The following PTPRG variants were observed in gnomAD, a reference collection of about 807,000 sequenced individuals.
PTPRG encodes the protein protein tyrosine phosphatase receptor type G, also known as receptor-type tyrosine-protein phosphatase gamma.
Under a neutral mutation model 165.3 loss-of-function variants are expected in PTPRG, and 102 were observed. That is an observed-to-expected ratio of 0.62 (90% CI 0.53 to 0.73). The LOEUF is 0.73. Among genes scored for constraint, PTPRG ranks in the 30% least tolerant of loss-of-function variants. PTPRG has a pLI of 0.00. For missense variants in PTPRG, 1,866 were observed against 1,861.4 expected (o/e 1.00, Z -0.05); for synonymous variants, 675 against 669.5 (o/e 1.01, Z -0.13).
At chr3:62,004,222 T>C (rs1309746205) in intron 4 of PTPRG, among the ~76,000 whole-genome samples, 1 of 152,208 alleles carries the variant, frequency 6.6e-6, no homozygotes, top group Admixed American at 6.5e-5. Flanking sequence ...GAATATTCTT[T>C]TGTTGTGATG....
At chr3:61,985,699 A>G (rs1458337569) in intron 2 of PTPRG, among the ~76,000 whole-genome samples, 3 of 152,184 alleles carry the variant, frequency 2.0e-5, no homozygotes, top group East Asian at 1.9e-4. Context: ...TGGATTGATC[A>G]TTAAGACTAA....
intron 6 of PTPRG, among the ~76,000 whole-genome samples, chr3:62,155,519 A>G (rs367972143): frequency 3.3e-5 from 5 of 152,356 alleles, no homozygotes; most frequent in African/African-American, 4.8e-5. Flanking sequence ...CATTAAATAA[A>G]TTAATCTTTA....
chr3:62,003,735 G>A (rs972424692), intron 4 of PTPRG, among the ~76,000 whole-genome samples: 21 of 152,168 alleles, frequency 1.4e-4, no homozygotes, highest in Non-Finnish European at 1.5e-4. Flanking sequence ...CTCACTACTG[G>A]TTGATGATGT....
At chr3:61,717,934 A>C (rs954122769) in intron 1 of PTPRG, among the ~76,000 whole-genome samples, 3 of 152,168 alleles carry the variant, frequency 2.0e-5, no homozygotes, top group African/African-American at 7.2e-5. Context: ...TAATCCCAGC[A>C]CTTTGGAGGC....
intron 1 of PTPRG, among the ~76,000 whole-genome samples, chr3:61,672,712 AGAGAGGGAGAGGGAGACTGTGGG>A (rs1467877980): frequency 7.6e-5 from 9 of 118,530 alleles, no homozygotes; most frequent in African/African-American, 1.6e-4. Flanking sequence ...GACCGTGGAA[AGAGAGGGAGAGGGAGACTGTGGG>A]GAGAGGGAGA....
chr3:61,911,295 T>TATA (rs1230110082), intron 2 of PTPRG, among the ~76,000 whole-genome samples: 1 of 152,218 alleles, frequency 6.6e-6, no homozygotes, highest in African/African-American at 2.4e-5. Flanking sequence ...TACTGTATTT[T>TATA]AAGTGTCTGG....
In PTPRG at chr3:61,583,484, T is replaced by C. The variant is rs538379777; in HGVS notation, c.85+21112T>C. Among the ~76,000 whole-genome samples, 173 of 152,308 alleles carry C rather than the reference T, an allele frequency of 1.1e-3. 1 individual carries two copies. The highest frequency in any genetic ancestry group is 3.8e-3 in the African/African-American group (156 of 41,572). ...CGGATGTAAGTAAAGCACTGGTCCCTAGCAAACACATGATTATTGTTGTTT... is the reference window on the plus strand; with the variant it reads ...CGGATGTAAGTAAAGCACTGGTCCCCAGCAAACACATGATTATTGTTGTTT... On this transcript the variant is annotated intron_variant, in intron 1 of 29. Coordinates refer to ENST00000474889, the MANE Select transcript of PTPRG (RefSeq NM_002841.4).
chr3:61,626,097 T>C (rs7637766), intron 1 of PTPRG, among the ~76,000 whole-genome samples: 13,237 of 151,972 alleles, frequency 0.087, 704 homozygotes, highest in East Asian at 0.21. Context: ...AAAGGCATAA[T>C]TGAAATACAG....
At chr3:61,807,814 A>G (rs1256675055) in intron 2 of PTPRG, among the ~76,000 whole-genome samples, 2 of 152,092 alleles carry the variant, frequency 1.3e-5, no homozygotes, top group South Asian at 2.1e-4. Flanking sequence ...TTCCATTCTT[A>G]TAAGCAAAGC....
At position 62,137,610 on chromosome 3, in the gene PTPRG, G is replaced by T. The variant is rs1444707626; in HGVS notation, c.682+4942G>T. ...TTCTCAGTTGTCATGGGTTCGCCAG[G>T]ATTCAGAAAGCTGTAGTGGATCAGA... On this transcript the variant is annotated intron_variant, in intron 6 of 29. Transcript: ENST00000474889. Among the ~76,000 whole-genome samples the T allele has an allele frequency of 2.6e-5, 4 of 152,202 alleles. No individual in the cohort carries two copies. The East Asian group carries it at 7.7e-4, about 29-fold the overall frequency.
chr3:62,176,215 C>T (rs1705417771), intron 8 of PTPRG, among the ~76,000 whole-genome samples: 1 of 151,734 alleles, frequency 6.6e-6, no homozygotes, highest in Non-Finnish European at 1.5e-5. Context: ...TAGGGGTGGA[C>T]TTTGGAGGAG....
intron 8 of PTPRG, among the ~76,000 whole-genome samples, chr3:62,185,207 C>A (rs544047466): frequency 7.9e-5 from 12 of 152,272 alleles, no homozygotes; most frequent in Non-Finnish European, 1.5e-4. Flanking sequence ...AGGAGCAGTA[C>A]CTTCATGCCT....
chr3:61,637,851 G>A (rs1021015651), intron 1 of PTPRG, among the ~76,000 whole-genome samples: 1 of 152,146 alleles, frequency 6.6e-6, no homozygotes, highest in Non-Finnish European at 1.5e-5. Context: ...GAACCTCACC[G>A]ACCAAGTGAG....
intron 4 of PTPRG, among the ~76,000 whole-genome samples, chr3:62,051,780 C>T (rs767911352): frequency 6.6e-6 from 1 of 152,092 alleles, no homozygotes; most frequent in African/African-American, 2.4e-5. Flanking sequence ...ATGTTGCAGC[C>T]GGCGCCCTCA....
At chr3:62,082,582 C>G (rs994939634) in intron 5 of PTPRG, among the ~76,000 whole-genome samples, 3 of 152,190 alleles carry the variant, frequency 2.0e-5, no homozygotes, top group African/African-American at 7.2e-5. Flanking sequence ...CCCATTGCAA[C>G]AAAATCATCA....
chr3:62,013,471 A>C (rs926428092), intron 4 of PTPRG, among the ~76,000 whole-genome samples: 2 of 152,228 alleles, frequency 1.3e-5, no homozygotes, highest in Admixed American at 6.5e-5. Context: ...ATGTACAGTG[A>C]ACAAATCTGA....
chr3:61,939,928 C>CTTTTTTTTTTTTTTTTTTTTTT lies in PTPRG; in HGVS notation c.191-49682_191-49661dup, dbSNP rs561334410. 1.5e-4 allele frequency among the ~76,000 whole-genome samples: 6 copies of CTTTTTTTTTTTTTTTTTTTTTT among 39,140 alleles called. 3 individuals carry two copies. The highest frequency in any genetic ancestry group is 1.8e-4 in the Non-Finnish European group (4 of 21,766). 25.7% of individuals were successfully genotyped at this position (39,140 alleles called of 152,430 possible). A position where few individuals can be genotyped will look rare whatever the true frequency, so the allele number is the denominator to read the frequency against. ...TGTCTTGGCTTCCTTACTGACTTGT[C>CTTTTTTTTTTTTTTTTTTTTTT]TTTTTTTTTTTTTTTTTTTTTTTTT... is the stretch of plus-strand genomic sequence containing the variant. On this transcript the variant is annotated intron_variant, in intron 2 of 29. Coordinates refer to ENST00000474889, the MANE Select transcript of PTPRG (RefSeq NM_002841.4).
intron 1 of PTPRG, among the ~76,000 whole-genome samples, chr3:61,714,072 T>C (rs549629115): frequency 2.6e-5 from 4 of 152,216 alleles, no homozygotes; most frequent in East Asian, 1.9e-4. Flanking sequence ...TTCTAATATG[T>C]CTTTTCTGGC....
At chr3:62,279,353 T>C (rs1227683751) in intron 26 of PTPRG, among the ~76,000 whole-genome samples, 1 of 152,108 alleles carries the variant, frequency 6.6e-6, no homozygotes, top group African/African-American at 2.4e-5. Context: ...ACTTTCAAGA[T>C]GAACCATTTT....
Sources: allele counts gnomAD v4.1 joint callset (sites outside exome capture counted in the v4.1 genomes callset), GRCh38; gene constraint gnomAD v4.1.1; transcripts MANE v1.5; gene names NCBI Gene and HGNC (gene_info 2026-07-23, HGNC 2026-07-21).